ERBIN: variants seen among roughly 807,000 people sequenced by gnomAD.
ERBIN encodes erbb2 interacting protein.
In ERBIN, 60 loss-of-function variants were observed where a neutral mutation model predicts 158.4. The observed-to-expected ratio is 0.38, with a 90% CI of 0.31 to 0.47. The LOEUF is 0.47. ERBIN is among the 20% of genes least tolerant of loss of function. The pLI, the probability that ERBIN is intolerant of heterozygous loss-of-function variation, is 0.99. For missense variants in ERBIN, 1,610 were observed against 1,648.0 expected (o/e 0.98, Z 0.40); for synonymous variants, 594 against 557.2 (o/e 1.07, Z -0.93).
At chr5:66,001,053 G>A (rs1191895590) in intron 4 of ERBIN, among the ~76,000 whole-genome samples, 1 of 151,974 alleles carries the variant, frequency 6.6e-6, no homozygotes, top group Non-Finnish European at 1.5e-5. Flanking sequence ...ATATTAGGTC[G>A]ATGTGGCTGG....
At chr5:65,943,332 A>T (rs1745303087) in intron 1 of ERBIN, among the ~76,000 whole-genome samples, 1 of 152,204 alleles carries the variant, frequency 6.6e-6, no homozygotes, top group African/African-American at 2.4e-5. Flanking sequence ...CTGACAGCAT[A>T]TGTGGGAATA....
intron 1 of ERBIN, among the ~76,000 whole-genome samples, chr5:65,940,073 C>T (rs1364848820): frequency 5.5e-4 from 82 of 149,626 alleles, no homozygotes; most frequent in Non-Finnish European, 1.1e-3. Flanking sequence ...AGCGTCTCTG[C>T]CCGGCCGCCA....
chr5:65,956,733 C>A (rs1747192446), intron 1 of ERBIN, among the ~76,000 whole-genome samples: 1 of 151,634 alleles, frequency 6.6e-6, no homozygotes, highest in Non-Finnish European at 1.5e-5. Flanking sequence ...AGTATATAAA[C>A]CTGAACACAA....
intron 4 of ERBIN, among the ~76,000 whole-genome samples, chr5:66,006,171 C>T (rs1167902442): frequency 6.6e-6 from 1 of 152,164 alleles, no homozygotes; most frequent in African/African-American, 2.4e-5. Context: ...ACTAAAACAG[C>T]ATAGTACTGA....
chr5:65,928,523 A>C (rs550921143), intron 1 of ERBIN, among the ~76,000 whole-genome samples: 2 of 152,332 alleles, frequency 1.3e-5, no homozygotes, highest in Non-Finnish European at 2.9e-5. Context: ...CGCTTTATGA[A>C]GATGGTTATT....
intron 19 of ERBIN, among the ~76,000 whole-genome samples, chr5:66,050,156 T>C (rs1395629043): frequency 6.6e-6 from 1 of 152,042 alleles, no homozygotes; most frequent in Non-Finnish European, 1.5e-5. Flanking sequence ...GAAAAGTATA[T>C]TCATTGAAAT....
At chr5:66,050,228 T>A (rs1280539566) in intron 19 of ERBIN, among the ~76,000 whole-genome samples, 2 of 3,264 alleles carry the variant, frequency 6.1e-4, no homozygotes, top group African/African-American at 8.4e-3. Flanking sequence ...ATCGAATTCT[T>A]TTTTTTTTTT....
intron 21 of ERBIN, among the ~76,000 whole-genome samples, chr5:66,063,937 A>G (rs1373963213): frequency 6.6e-6 from 1 of 152,206 alleles, no homozygotes; most frequent in African/African-American, 2.4e-5. Flanking sequence ...TATTTTCTTC[A>G]TGATTTCATT....
Position 66,018,553 on chromosome 5 carries a change from T to G in ERBIN, c.534-2769T>G, listed in dbSNP as rs377741785. On this transcript the variant is annotated intron_variant, in intron 7 of 25. Transcript: ENST00000284037. ...TATATTATATAATATATATTATATA[T>G]TATATAATATATATTATATTATATA... 6.9e-4 allele frequency among the ~76,000 whole-genome samples: 5 copies of G among 7,292 alleles called. 2 individuals are homozygous for G. The highest frequency in any genetic ancestry group is 2.8e-3 in the African/African-American group (3 of 1,070). 4.8% of individuals were successfully genotyped at this position (7,292 alleles called of 152,430 possible). A position where few individuals can be genotyped will look rare whatever the true frequency, so the allele number is the denominator to read the frequency against.
chr5:65,972,389 ACTT>A (rs1170313574), intron 1 of ERBIN, among the ~76,000 whole-genome samples: 3 of 151,342 alleles, frequency 2.0e-5, no homozygotes, highest in Non-Finnish European at 2.9e-5. Context: ...TGCATCTAAG[ACTT>A]CTTATTTGTC....
At position 66,050,776 on chromosome 5, in the gene ERBIN, G is replaced by C. The variant is rs1274892660; in HGVS notation, c.1904-7G>C. ...TTATCATTAATCTTAAATTTGTTTTGTTTCAGATGATACAAAGGAAACAGA... is the reference window on the plus strand; with the variant it reads ...TTATCATTAATCTTAAATTTGTTTTCTTTCAGATGATACAAAGGAAACAGA... On this transcript the variant is annotated splice_region_variant and splice_polypyrimidine_tract_variant and intron_variant, in intron 19 of 25. Coordinates refer to ENST00000284037, the MANE Select transcript of ERBIN (RefSeq NM_001253697.2). 6.6e-7 allele frequency: 1 copy of C among 1,505,806 alleles called. No homozygotes were observed. Among genetic ancestry groups the C allele is most frequent in the Admixed American group, 2.4e-5 (1 of 41,862 alleles). 93.3% of individuals were successfully genotyped at this position (1,505,806 alleles called of 1,614,324 possible).
intron 15 of ERBIN, among the ~76,000 whole-genome samples, chr5:66,041,564 T>C (rs912206181): frequency 1.3e-5 from 2 of 152,036 alleles, no homozygotes; most frequent in African/African-American, 4.8e-5. Context: ...ATGTGAGATT[T>C]ATACTAAAGA....
chr5:66,018,950 T>C (rs1328674822), intron 7 of ERBIN, among the ~76,000 whole-genome samples: 1 of 152,108 alleles, frequency 6.6e-6, no homozygotes, highest in Non-Finnish European at 1.5e-5. Flanking sequence ...GTCATATTTT[T>C]TGTAACTACT....
In ERBIN at chr5:66,031,097, T is replaced by TCCCTTA. The variant is rs1014636631; in HGVS notation, c.1206+2763_1206+2768dup. Among the ~76,000 whole-genome samples the TCCCTTA allele has an allele frequency of 3.9e-5, 6 of 152,184 alleles. No individual in the cohort carries two copies. In the South Asian group the frequency reaches 6.2e-4, roughly 16 times the overall value. The stretch of plus-strand genomic sequence containing the variant: ...ACAAATCAGATATACCTAGAAAATT[T>TCCCTTA]CCCTTACCCTTACCATATGAAGCAA... On this transcript the variant is annotated intron_variant, in intron 14 of 25. Transcript: ENST00000284037.
chr5:66,039,299 C>T (rs1757712357), intron 15 of ERBIN, among the ~76,000 whole-genome samples: 2 of 151,856 alleles, frequency 1.3e-5, no homozygotes, highest in South Asian at 4.1e-4. Context: ...CAGCCACATT[C>T]ATTCACTACA....
chr5:65,990,423 C>G (rs940503587), intron 2 of ERBIN, among the ~76,000 whole-genome samples: 1 of 150,678 alleles, frequency 6.6e-6, no homozygotes, highest in Non-Finnish European at 1.5e-5. Context: ...AATCCCAGCA[C>G]TTTGGGAGGC....
intron 14 of ERBIN, among the ~76,000 whole-genome samples, chr5:66,030,049 T>C (rs1410904954): frequency 1.3e-5 from 2 of 152,166 alleles, no homozygotes; most frequent in African/African-American, 4.8e-5. Flanking sequence ...GTTTTTGTTT[T>C]TGTTTTTTGA....
rs1561379919 is a variant in ERBIN at position 66,018,462 on chromosome 5, TATAA to T, written c.534-2859_534-2856del. Reference sequence around the variant, plus strand: ...ATATAATATAATATATATTATATTATATAATATATATTATATATTATATATTATA... The same window carrying T: ...ATATAATATAATATATATTATATTATTATATATTATATATTATATATTATA... On this transcript the variant is annotated intron_variant, in intron 7 of 25. Transcript: ENST00000284037. 1.2e-3 allele frequency among the ~76,000 whole-genome samples: 10 copies of T among 8,520 alleles called. 1 individual carries two copies. The East Asian group carries it at 0.023, about 20-fold the overall frequency. The allele number at this position is 8,520 out of a possible 152,430, so 5.6% of individuals were successfully genotyped here.
At chr5:66,061,408 C>A (rs1007176993) in intron 21 of ERBIN, among the ~76,000 whole-genome samples, 9 of 152,132 alleles carry the variant, frequency 5.9e-5, no homozygotes, top group Non-Finnish European at 1.3e-4. Context: ...AGATCTTCCT[C>A]CATCCGTTTG....
Sources: gnomAD v4.1 joint callset for allele counts (sites outside exome capture counted in the v4.1 genomes callset) on GRCh38, gnomAD v4.1.1 for gene constraint, MANE v1.5 for transcripts, NCBI Gene and HGNC (gene_info 2026-07-23, HGNC 2026-07-21) for gene names.